Variants in CDC42BPB observed in about 807,000 individuals in gnomAD.
CDC42BPB encodes the protein CDC42 binding protein kinase beta, also known as serine/threonine-protein kinase MRCK beta.
CDC42BPB carries 37 observed loss-of-function variants against 214.9 expected under a neutral mutation model. The ratio of observed to expected loss-of-function variants is 0.17; its 90% CI spans 0.13 to 0.23. The LOEUF is 0.23. Among genes scored for constraint, CDC42BPB ranks in the 10% least tolerant of loss-of-function variants. CDC42BPB has a pLI of 1.00. For missense variants in CDC42BPB, 1,694 were observed against 2,227.0 expected, an observed-to-expected ratio of 0.76 and a Z score of 4.82; for synonymous variants, 931 against 884.0, an observed-to-expected ratio of 1.05 and a Z score of -0.94.
chr14:102,946,567 G>T lies in CDC42BPB; in HGVS notation c.3649C>A (p.His1217Asn). ...ACCTGATTCCTCAGCCGGTTTTTAT[G>T]AAGGATGGACTGGAGTCCTTCTAGA... ...GILEGLQSIL[H>N]KNRLRNQVVH... The change falls in exon 28 of 37, where the codon CAT becomes AAT. Residue 1217 changes from histidine to asparagine, a missense_variant. Transcript: ENST00000361246. 1 of 1,612,830 alleles carries T rather than the reference G, an allele frequency of 6.2e-7. No individual in the cohort carries two copies. The highest frequency in any genetic ancestry group is 8.5e-7 in the Non-Finnish European group (1 of 1,179,978).
chr14:103,012,623 G>A lies in CDC42BPB; in HGVS notation c.176-435C>T, dbSNP rs1886220792. On this transcript the variant is annotated intron_variant, in intron 1 of 36. Transcript: ENST00000361246. Reference sequence around the variant, plus strand: ...AGTTCGAAACCAGTCAGACCAACATGGTGAAATCTCGTCTCTACTAAAAAT... The same window carrying A: ...AGTTCGAAACCAGTCAGACCAACATAGTGAAATCTCGTCTCTACTAAAAAT... 2.0e-5 allele frequency among the ~76,000 whole-genome samples: 3 copies of A among 152,144 alleles called. No individual in the cohort carries two copies. The South Asian group carries it at 6.2e-4, about 32-fold the overall frequency.
intron 1 of CDC42BPB, among the ~76,000 whole-genome samples, chr14:103,051,236 C>T (rs944705084): frequency 6.6e-6 from 1 of 151,316 alleles, no homozygotes. Context: ...TGTTTCCTCT[C>T]ATCCATTCTC....
intron 16 of CDC42BPB, among the ~76,000 whole-genome samples, chr14:102,967,761 A>C (rs929068777): frequency 2.0e-5 from 3 of 152,220 alleles, no homozygotes; most frequent in African/African-American, 2.4e-5. Context: ...TCTATCATTG[A>C]TGGAAGCATC....
chr14:102,970,976 G>A (rs936762083), intron 13 of CDC42BPB, among the ~76,000 whole-genome samples: 5 of 152,160 alleles, frequency 3.3e-5, no homozygotes, highest in East Asian at 1.9e-4. Context: ...ACTAAGCATC[G>A]CTTACAATAT....
chr14:102,958,990 T>TTGAAG (rs1555386303), intron 21 of CDC42BPB, among the ~76,000 whole-genome samples: 20 of 150,964 alleles, frequency 1.3e-4, no homozygotes, highest in Non-Finnish European at 2.1e-4. Context: ...AGAATTTGTA[T>TTGAAG]TATTTTCTTG....
intron 6 of CDC42BPB, among the ~76,000 whole-genome samples, chr14:102,984,182 A>G (rs1894131914): frequency 6.6e-6 from 1 of 152,204 alleles, no homozygotes; most frequent in African/African-American, 2.4e-5. Context: ...AGCCCCAAAC[A>G]GTGCCTCTCC....
chr14:102,937,827 C>A (rs527448077), intron 36 of CDC42BPB, among the ~76,000 whole-genome samples: 2 of 152,370 alleles, frequency 1.3e-5, no homozygotes, highest in African/African-American at 4.8e-5. Context: ...AGGAAAGAGG[C>A]AGGTTGGCGG....
chr14:102,952,535 C>G lies in CDC42BPB; in HGVS notation c.3135G>C (p.Leu1045=), dbSNP rs753138740. Reference sequence around the variant, plus strand: ...AGCCCTGCCGGATCAGCCCAACCATCAGGGAGGTGCAGTGGCTGCACTGAG... The same window carrying G: ...AGCCCTGCCGGATCAGCCCAACCATGAGGGAGGTGCAGTGGCTGCACTGAG... The part of the protein sequence containing the change: ...SPTQCSHCTS[L]MVGLIRQGYA... Residue 1045 remains leucine (L), a synonymous_variant, in exon 24 of 37, where the codon CTG becomes CTC. Coordinates refer to ENST00000361246, the MANE Select transcript of CDC42BPB (RefSeq NM_006035.4). 6.2e-7 allele frequency: 1 copy of G among 1,613,774 alleles called. No homozygotes were observed. The highest frequency in any genetic ancestry group is 1.7e-5 in the Admixed American group (1 of 60,004).
rs1293766299 is a variant in CDC42BPB, at chr14:102,933,685, C to T, written c.*27G>A. On this transcript the variant is annotated 3_prime_UTR_variant, in exon 37 of 37. Transcript: ENST00000361246. ...TGACGCTGGAGGCCATCTCCAGCTC[C>T]CTGGCCCCTGTGGCGAGCTGGCGGC... is the stretch of plus-strand genomic sequence containing the variant. 1 of 1,432,226 alleles carries T rather than the reference C, an allele frequency of 7.0e-7. No individual in the cohort carries two copies. The highest frequency in any genetic ancestry group is 3.6e-5 in the Admixed American group (1 of 27,550). 88.7% of individuals were successfully genotyped at this position (1,432,226 alleles called of 1,614,324 possible).
chr14:103,044,952 C>T (rs1040330175), intron 1 of CDC42BPB, among the ~76,000 whole-genome samples: 1 of 151,206 alleles, frequency 6.6e-6, no homozygotes, highest in Non-Finnish European at 1.5e-5. Context: ...GTAATCCCAG[C>T]ACTTTGGGAG....
Position 102,986,819 on chromosome 14 carries a change from C to T in CDC42BPB, c.597-239G>A, listed in dbSNP as rs565137886. On this transcript the variant is annotated intron_variant, in intron 5 of 36. Coordinates refer to ENST00000361246, the MANE Select transcript of CDC42BPB (RefSeq NM_006035.4). ...GCGAGGCCCTGTGACGATTCCTACT[C>T]GTCTGCCCACCCAGCTAACGAGCCC... 21 of 728,974 alleles carry T rather than the reference C, an allele frequency of 2.9e-5. No individual in the cohort carries two copies. The South Asian group carries it at 9.8e-4, about 34-fold the overall frequency. The allele number at this position is 728,974 out of a possible 1,614,324, so 45.2% of individuals were successfully genotyped here. A position where few individuals can be genotyped will look rare whatever the true frequency, so the allele number is the denominator to read the frequency against.
chr14:103,054,879 C>A (rs1888857301), intron 1 of CDC42BPB, among the ~76,000 whole-genome samples: 1 of 152,254 alleles, frequency 6.6e-6, no homozygotes, highest in African/African-American at 2.4e-5. Flanking sequence ...TCCACACATG[C>A]TGACAAGAGC....
chr14:102,970,499 A>T, intron 13 of CDC42BPB: 1 of 389,852 alleles, frequency 2.6e-6, no homozygotes, highest in East Asian at 1.6e-4. Flanking sequence ...TTAAATTTCA[A>T]GAAAGGATAC....
chr14:102,947,443 G>A (rs756901238), intron 27 of CDC42BPB, among the ~76,000 whole-genome samples: 3 of 152,192 alleles, frequency 2.0e-5, no homozygotes, highest in Non-Finnish European at 2.9e-5. Context: ...GACAGTGGCC[G>A]GGACGTGGAC....
chr14:102,967,205 A>G (rs1595475512), intron 16 of CDC42BPB, 35 bp from the exon 17 acceptor site: 2 of 1,593,862 alleles, frequency 1.3e-6, no homozygotes, highest in Non-Finnish European at 1.7e-6. Context: ...GAACTTGTTA[A>G]TCGGGCATCC....
intron 30 of CDC42BPB, among the ~76,000 whole-genome samples, chr14:102,942,713 T>C (rs1190236): frequency 0.024 from 3,589 of 152,030 alleles, 55 homozygotes; most frequent in South Asian, 0.045. Flanking sequence ...CCTGGCTAGT[T>C]TGTTTGTTTG....
intron 28 of CDC42BPB, 99 bp downstream of exon 28, chr14:102,946,369 T>TGTC: frequency 7.5e-7 from 1 of 1,329,602 alleles, no homozygotes; most frequent in Non-Finnish European, 1.0e-6. Flanking sequence ...CAAACCCAAA[T>TGTC]GGACCTGTGA....
At chr14:102,957,198 CAAAAAAAAAAA>C (rs1169886657) in intron 21 of CDC42BPB, among the ~76,000 whole-genome samples, 145 of 33,424 alleles carry the variant, frequency 4.3e-3, no homozygotes, top group African/African-American at 0.011. Context: ...AAGACTGTCT[CAAAAAAAAAAA>C]AAAAAAAAAA....
Position 102,980,923 on chromosome 14 carries a change from C to T in CDC42BPB, c.990G>A (p.Gln330=). Residue 330 remains glutamine (Q), a synonymous_variant, in exon 8 of 37, where the codon CAG becomes CAA. Coordinates refer to ENST00000361246, the MANE Select transcript of CDC42BPB (RefSeq NM_006035.4). ...GCTTTTTGAAATCCTCTATTCCATT[C>T]TGCCCCAGCCGGCGTTCTCTACTGC... is the stretch of plus-strand genomic sequence containing the variant. ...LICSRERRLG[Q]NGIEDFKKHA... 2 of 1,614,222 alleles carry T rather than the reference C, an allele frequency of 1.2e-6. No individual in the cohort carries two copies. The highest frequency in any genetic ancestry group is 1.7e-6 in the Non-Finnish European group (2 of 1,180,048).
Sources: gnomAD v4.1 joint callset for allele counts (sites outside exome capture counted in the v4.1 genomes callset) on GRCh38, gnomAD v4.1.1 for gene constraint, MANE v1.5 for transcripts, NCBI Gene and HGNC (gene_info 2026-07-23, HGNC 2026-07-21) for gene names.